MIER1: variants seen among roughly 807,000 people sequenced by gnomAD.
MIER1 encodes the protein MIER1 transcriptional regulator, also known as mesoderm induction early response protein 1.
In MIER1, 40 loss-of-function variants were observed where a neutral mutation model predicts 75.7. The observed-to-expected ratio is 0.53, with a 90% CI of 0.41 to 0.69. The LOEUF (loss-of-function observed/expected upper bound fraction) is 0.69, where lower values mean the gene tolerates loss of function less well. Ranked by LOEUF, MIER1 falls within the 30% of genes least tolerant of loss-of-function variation. The pLI, the probability that MIER1 is intolerant of heterozygous loss-of-function variation, is 0.00. For missense variants in MIER1, 574 were observed against 680.2 expected, an observed-to-expected ratio of 0.84 and a Z score of 1.74; for synonymous variants, 213 against 223.4, an observed-to-expected ratio of 0.95 and a Z score of 0.42.
intron 4 of MIER1, among the ~76,000 whole-genome samples, chr1:66,949,970 C>A (rs1490064074): frequency 2.6e-5 from 4 of 152,124 alleles, no homozygotes; most frequent in African/African-American, 7.2e-5. Context: ...TGTATTGTTA[C>A]ATTTGTATGC....
chr1:66,966,767 C>T (rs1662497125), intron 8 of MIER1, among the ~76,000 whole-genome samples: 1 of 152,016 alleles, frequency 6.6e-6, no homozygotes, highest in Non-Finnish European at 1.5e-5. Flanking sequence ...GGTTTTGATG[C>T]ATTCATCTGT....
At chr1:66,973,533 A>C (rs1368377465) in intron 11 of MIER1, among the ~76,000 whole-genome samples, 1 of 152,086 alleles carries the variant, frequency 6.6e-6, no homozygotes, top group Non-Finnish European at 1.5e-5. Context: ...TATTTAACAT[A>C]ATCATTTATC....
chr1:66,974,063 T>C (rs939634483), intron 11 of MIER1, among the ~76,000 whole-genome samples: 1 of 152,150 alleles, frequency 6.6e-6, no homozygotes, highest in Non-Finnish European at 1.5e-5. Flanking sequence ...TTCTTAAATT[T>C]TGTCGTGCAT....
chr1:66,940,140 T>C, intron 3 of MIER1, 88 bp downstream of exon 3: 1 of 931,902 alleles, frequency 1.1e-6, no homozygotes, highest in Non-Finnish European at 1.7e-6. Flanking sequence ...TAGACTATTA[T>C]CTGACTTGCT....
At chr1:66,963,269 T>TTGTAA in intron 8 of MIER1, 109 bp downstream of exon 8, 1 of 668,852 alleles carries the variant, frequency 1.5e-6, no homozygotes, top group Non-Finnish European at 2.6e-6. Context: ...AGTAACCCCA[T>TTGTAA]TGTAACCCCA....
chr1:66,965,083 T>G (rs1017079474), intron 8 of MIER1, among the ~76,000 whole-genome samples: 1 of 152,222 alleles, frequency 6.6e-6, no homozygotes, highest in African/African-American at 2.4e-5. Flanking sequence ...TCAAGGTAAT[T>G]CCTGCAAGAT....
chr1:66,931,546 G>T (rs1653372542), intron 2 of MIER1, among the ~76,000 whole-genome samples: 1 of 152,126 alleles, frequency 6.6e-6, no homozygotes, highest in Non-Finnish European at 1.5e-5. Flanking sequence ...AGATTTTGCT[G>T]TAGCAGACAG....
intron 12 of MIER1, among the ~76,000 whole-genome samples, chr1:66,977,367 C>T (rs958921844): frequency 5.3e-5 from 8 of 152,056 alleles, no homozygotes; most frequent in African/African-American, 1.9e-4. Context: ...GCCTCAGCCT[C>T]CTAAAGTGCT....
At chr1:66,969,416 A>G (rs1355512283) in intron 8 of MIER1, among the ~76,000 whole-genome samples, 1 of 151,762 alleles carries the variant, frequency 6.6e-6, no homozygotes, top group East Asian at 1.9e-4. Context: ...ATGGTGGCAC[A>G]TGCCTGTAGT....
chr1:66,925,262 T>TTGCTCTCCGCCGGCTGCCAAAGGCGCA, intron 1 of MIER1, 167 bp downstream of exon 1: 1 of 983,758 alleles, frequency 1.0e-6, no homozygotes, highest in Non-Finnish European at 1.2e-6. Flanking sequence ...CGCGCCTGGC[T>TTGCTCTCCGCCGGCTGCCAAAGGCGCA]TGCTCTCCGC....
rs1489614161 is a variant in MIER1 at position 66,986,374 on chromosome 1, T to C, written c.*1474T>C. ...AACCTATATCCAAACTTTTATAAAA[T>C]ATTAATTATTCTTGTTTTTCTCACA... is the stretch of plus-strand genomic sequence containing the variant. On this transcript the variant is annotated 3_prime_UTR_variant, in exon 14 of 14. Transcript: ENST00000401041. 1 of 1,603,386 alleles carries C rather than the reference T, an allele frequency of 6.2e-7. No individual in the cohort carries two copies. The highest frequency in any genetic ancestry group is 1.7e-5 in the Admixed American group (1 of 59,014).
intron 7 of MIER1, among the ~76,000 whole-genome samples, chr1:66,962,615 G>A (rs1661485153): frequency 1.3e-5 from 2 of 152,090 alleles, no homozygotes; most frequent in South Asian, 4.1e-4. Context: ...CTGGGAGGTC[G>A]AGGCTGCAGT....
intron 8 of MIER1, among the ~76,000 whole-genome samples, chr1:66,967,190 A>G (rs1164355130): frequency 2.6e-5 from 4 of 152,102 alleles, no homozygotes; most frequent in African/African-American, 7.2e-5. Flanking sequence ...GTGTGTGACA[A>G]GATATAGGGG....
intron 8 of MIER1, among the ~76,000 whole-genome samples, chr1:66,966,606 G>A (rs1224583823): frequency 2.6e-5 from 4 of 152,236 alleles, no homozygotes; most frequent in Non-Finnish European, 5.9e-5. Context: ...TTGAGGAATC[G>A]CCACACTGTC....
chr1:66,954,007 A>G (rs535282615), intron 4 of MIER1, among the ~76,000 whole-genome samples: 1 of 152,308 alleles, frequency 6.6e-6, no homozygotes, highest in African/African-American at 2.4e-5. Context: ...TAGAAGGTAT[A>G]TGAAAGTGTA....
chr1:66,968,235 G>A (rs1212767479), intron 8 of MIER1, among the ~76,000 whole-genome samples: 2 of 152,048 alleles, frequency 1.3e-5, no homozygotes, highest in African/African-American at 2.4e-5. Context: ...CAGCTTTGTA[G>A]TTCTAGAAAT....
intron 8 of MIER1, among the ~76,000 whole-genome samples, chr1:66,966,250 T>C (rs973979576): frequency 3.9e-5 from 6 of 152,192 alleles, no homozygotes; most frequent in African/African-American, 7.2e-5. Context: ...GTGTTCTCAT[T>C]GTTCACTTCC....
chr1:66,950,735 T>G (rs1003806983), intron 4 of MIER1, among the ~76,000 whole-genome samples: 2 of 151,584 alleles, frequency 1.3e-5, no homozygotes, highest in African/African-American at 4.8e-5. Flanking sequence ...AGAAAAGAAA[T>G]CTCAGTGTGA....
chr1:66,945,056 GAAT>G (rs1483894644), intron 3 of MIER1, among the ~76,000 whole-genome samples: 5 of 152,002 alleles, frequency 3.3e-5, no homozygotes, highest in African/African-American at 9.7e-5. Flanking sequence ...AGTACTTATA[GAAT>G]AATAATATTT....
Sources: gnomAD v4.1 joint callset for allele counts (sites outside exome capture counted in the v4.1 genomes callset) on GRCh38, gnomAD v4.1.1 for gene constraint, MANE v1.5 for transcripts, NCBI Gene and HGNC (gene_info 2026-07-23, HGNC 2026-07-21) for gene names.